The following EXOC6B variants were observed in gnomAD, a reference collection of about 807,000 sequenced individuals.
EXOC6B encodes SEC15 homolog B.
EXOC6B carries 54 observed loss-of-function variants against 113.5 expected under a neutral mutation model. The ratio of observed to expected loss-of-function variants is 0.48; its 90% CI spans 0.38 to 0.60. The LOEUF is 0.60. EXOC6B is among the 20% of genes least tolerant of loss of function. EXOC6B has a pLI of 0.00. For missense variants in EXOC6B, 797 were observed against 977.5 expected (o/e 0.82, Z 2.46); for synonymous variants, 357 against 339.0 (o/e 1.05, Z -0.58).
chr2:72,356,720 G>A (rs564657553), intron 19 of EXOC6B, among the ~76,000 whole-genome samples: 7 of 152,068 alleles, frequency 4.6e-5, no homozygotes, highest in African/African-American at 1.2e-4. Context: ...AACACCCAAC[G>A]CTTGCTTTCT....
chr2:72,787,704 T>C (rs1345522725), intron 1 of EXOC6B, among the ~76,000 whole-genome samples: 1 of 152,168 alleles, frequency 6.6e-6, no homozygotes, highest in East Asian at 1.9e-4. Flanking sequence ...CCAAGTGCAG[T>C]GGTATCATCA....
At chr2:72,658,286 T>TAAAA (rs60572283) in intron 6 of EXOC6B, among the ~76,000 whole-genome samples, 2 of 58,722 alleles carry the variant, frequency 3.4e-5, no homozygotes, top group Admixed American at 2.0e-4. Flanking sequence ...TAAAAACTAG[T>TAAAA]AAAAAAAAAA....
At chr2:72,749,003 T>C (rs1242875510) in intron 1 of EXOC6B, among the ~76,000 whole-genome samples, 1 of 152,090 alleles carries the variant, frequency 6.6e-6, no homozygotes, top group Non-Finnish European at 1.5e-5. Context: ...CAACAGTAAC[T>C]GAAGATATAA....
At chr2:72,595,361 G>A (rs1035466097) in intron 6 of EXOC6B, among the ~76,000 whole-genome samples, 1 of 147,622 alleles carries the variant, frequency 6.8e-6, no homozygotes, top group East Asian at 1.9e-4. Flanking sequence ...GATATGTAAA[G>A]ATAGGCTAAT....
chr2:72,275,144 C>T (rs1457122019), intron 20 of EXOC6B, among the ~76,000 whole-genome samples: 1 of 152,108 alleles, frequency 6.6e-6, no homozygotes, highest in Non-Finnish European at 1.5e-5. Flanking sequence ...ATTATGTGAG[C>T]TAGTAATTTG....
chr2:72,279,192 T>G (rs1289504362), intron 20 of EXOC6B, among the ~76,000 whole-genome samples: 2 of 152,228 alleles, frequency 1.3e-5, no homozygotes. Context: ...TCTTTAGTAT[T>G]TGAATCAGGG....
chr2:72,596,739 A>T (rs1670098220), intron 6 of EXOC6B, among the ~76,000 whole-genome samples: 1 of 151,994 alleles, frequency 6.6e-6, no homozygotes, highest in Non-Finnish European at 1.5e-5. Context: ...CCACATTAAT[A>T]ACAGTGAATT....
chr2:72,527,002 G>A (rs566882426), intron 8 of EXOC6B, among the ~76,000 whole-genome samples: 5 of 151,988 alleles, frequency 3.3e-5, no homozygotes, highest in South Asian at 2.1e-4. Context: ...AAATCAAGAC[G>A]CACATTTCCA....
Position 72,605,138 on chromosome 2 carries a change from C to T in EXOC6B, c.670-29470G>A, listed in dbSNP as rs946312755. Among the ~76,000 whole-genome samples the T allele has an allele frequency of 5.9e-5, 9 of 151,866 alleles. No homozygotes were observed. The East Asian group carries it at 1.7e-3, about 30-fold the overall frequency. ...TCTCTACTAAAAATACAAAAATTAG[C>T]AGGGTGTGATGGCGGGTGCTTGTAA... On this transcript the variant is annotated intron_variant, in intron 6 of 21. Transcript: ENST00000272427.
At chr2:72,207,437 C>A (rs76089135) in intron 20 of EXOC6B, among the ~76,000 whole-genome samples, 8,238 of 152,172 alleles carry the variant, frequency 0.054, 775 homozygotes, top group African/African-American at 0.19. Context: ...TTATATAATG[C>A]AGATAATAGT....
At chr2:72,422,043 T>C (rs1053905425) in intron 18 of EXOC6B, among the ~76,000 whole-genome samples, 1 of 152,358 alleles carries the variant, frequency 6.6e-6, no homozygotes, top group African/African-American at 2.4e-5. Context: ...GATTTCTCAC[T>C]GAGCCTTAGC....
At chr2:72,441,473 A>C (rs1378487298) in intron 18 of EXOC6B, among the ~76,000 whole-genome samples, 1 of 152,104 alleles carries the variant, frequency 6.6e-6, no homozygotes, top group Non-Finnish European at 1.5e-5. Context: ...TTGAAAAAAA[A>C]ATACAATAGA....
intron 19 of EXOC6B, chr2:72,335,314 G>C: frequency 3.8e-6 from 1 of 261,092 alleles, no homozygotes; most frequent in Non-Finnish European, 7.3e-6. Flanking sequence ...CAAACAACTT[G>C]CAAAGGAGGA....
intron 18 of EXOC6B, among the ~76,000 whole-genome samples, chr2:72,458,778 G>A (rs1285144814): frequency 6.6e-6 from 1 of 152,078 alleles, no homozygotes; most frequent in Non-Finnish European, 1.5e-5. Context: ...CAAGCACCAG[G>A]TTTGATCCAC....
At chr2:72,785,068 C>A (rs1684290338) in intron 1 of EXOC6B, among the ~76,000 whole-genome samples, 1 of 152,186 alleles carries the variant, frequency 6.6e-6, no homozygotes, top group South Asian at 2.1e-4. Context: ...AGGGTCCATG[C>A]AAGTCCAAAA....
intron 1 of EXOC6B, among the ~76,000 whole-genome samples, chr2:72,747,749 C>T (rs1417684862): frequency 1.3e-5 from 2 of 152,030 alleles, no homozygotes; most frequent in Admixed American, 6.6e-5. Flanking sequence ...TCTCCTTTTG[C>T]TTCTAGTTTA....
intron 21 of EXOC6B, 47 bp downstream of exon 21, chr2:72,184,028 C>A (rs1003937369): frequency 1.8e-6 from 2 of 1,083,920 alleles, no homozygotes; most frequent in Non-Finnish European, 2.7e-6. Flanking sequence ...AACCCCCAAT[C>A]CCTGTCTCCC....
intron 20 of EXOC6B, among the ~76,000 whole-genome samples, chr2:72,262,650 T>C (rs1429118352): frequency 6.6e-6 from 1 of 152,278 alleles, no homozygotes; most frequent in South Asian, 2.1e-4. Flanking sequence ...GCAACGTATA[T>C]TACGTCTGGG....
chr2:72,476,588 T>C (rs901754306), intron 17 of EXOC6B, among the ~76,000 whole-genome samples: 1 of 152,174 alleles, frequency 6.6e-6, no homozygotes, highest in African/African-American at 2.4e-5. Context: ...GTAATTGTGA[T>C]TGATGTTGTT....
Sources: allele counts gnomAD v4.1 joint callset (sites outside exome capture counted in the v4.1 genomes callset), GRCh38; gene constraint gnomAD v4.1.1; transcripts MANE v1.5; gene names NCBI Gene and HGNC (gene_info 2026-07-23, HGNC 2026-07-21).